Variants in FAM13A observed in about 807,000 individuals in gnomAD.
FAM13A encodes protein FAM13A.
A neutral mutation model predicts 129.6 loss-of-function variants in FAM13A; 76 were observed. The ratio of observed to expected loss-of-function variants is 0.59; its 90% confidence interval spans 0.49 to 0.71. The LOEUF is 0.71. FAM13A is among the 30% of genes least tolerant of loss of function. The pLI is 0.00. For missense variants in FAM13A, 1,108 were observed against 1,249.3 expected (o/e 0.89, Z 1.70); for synonymous variants, 443 against 449.9 (o/e 0.98, Z 0.20).
At chr4:88,777,510 T>C (rs1722003092) in intron 11 of FAM13A, among the ~76,000 whole-genome samples, 1 of 152,182 alleles carries the variant, frequency 6.6e-6, no homozygotes, top group Non-Finnish European at 1.5e-5. Flanking sequence ...GATAAGGCAG[T>C]GCAGTCTGAT....
In FAM13A at chr4:88,963,311, T is replaced by A. The variant is rs546074609; in HGVS notation, c.606-25070A>T. Among the ~76,000 whole-genome samples, 4 of 151,984 alleles carry A rather than the reference T, an allele frequency of 2.6e-5. No individual in the cohort carries two copies. In the East Asian group the frequency reaches 7.7e-4, roughly 29 times the overall value. Reference sequence around the variant, plus strand: ...TTTCATTTAAAATCTTTTTTTTTTTTTTTTGAGACTGAGTTTCGCTCTGTC... The same window carrying A: ...TTTCATTTAAAATCTTTTTTTTTTTATTTTGAGACTGAGTTTCGCTCTGTC... On this transcript the variant is annotated intron_variant, in intron 4 of 23. Coordinates refer to ENST00000264344, the MANE Select transcript of FAM13A (RefSeq NM_014883.4).
intron 7 of FAM13A, among the ~76,000 whole-genome samples, chr4:88,808,051 G>A (rs1255668653): frequency 3.3e-5 from 5 of 152,042 alleles, no homozygotes; most frequent in African/African-American, 1.2e-4. Flanking sequence ...CAGTCCCTGA[G>A]AAAAACAATA....
chr4:88,871,019 C>T (rs1031411731), intron 6 of FAM13A, among the ~76,000 whole-genome samples: 3 of 152,208 alleles, frequency 2.0e-5, no homozygotes, highest in African/African-American at 7.2e-5. Context: ...TGGAGTGGAC[C>T]TCCAGCAAAC....
intron 3 of FAM13A, among the ~76,000 whole-genome samples, chr4:88,996,523 G>A (rs530740286): frequency 6.6e-6 from 1 of 152,324 alleles, no homozygotes; most frequent in East Asian, 1.9e-4. Flanking sequence ...TGACTACTCT[G>A]TTCCAGGCAC....
At chr4:88,740,208 C>T (rs896660281) in intron 19 of FAM13A, among the ~76,000 whole-genome samples, 2 of 152,176 alleles carry the variant, frequency 1.3e-5, no homozygotes, top group Non-Finnish European at 2.9e-5. Flanking sequence ...AGCCTTCTTC[C>T]AACATCCCCC....
rs368468257 is a variant in FAM13A, at chr4:88,920,340, CTCT to C, written c.760-13881_760-13879del. 5.1e-4 allele frequency among the ~76,000 whole-genome samples: 77 copies of C among 151,994 alleles called. 2 individuals carry two copies. In the East Asian group the frequency reaches 0.011, roughly 23 times the overall value. ...TGACACCTCACACGGCCGGGTACTC[CTCT>C]GAGACAAAACTTTCAGAGGAACGAT... is the stretch of plus-strand genomic sequence containing the variant. On this transcript the variant is annotated intron_variant, in intron 5 of 23. Transcript: ENST00000264344.
chr4:88,944,795 C>T (rs1221000467), intron 4 of FAM13A, among the ~76,000 whole-genome samples: 1 of 151,788 alleles, frequency 6.6e-6, no homozygotes, highest in Non-Finnish European at 1.5e-5. Context: ...CCCAGCTACT[C>T]GAGAGGCTGA....
At position 89,057,007 on chromosome 4, in the gene FAM13A, A is replaced by G. The variant is rs1256511671; in HGVS notation, c.-43T>C. ...GGAAGAACTGAGGAAGACCAGACGA[A>G]AATATTAAAACGACAGCAAAATACT... On this transcript the variant is annotated 5_prime_UTR_variant, in exon 1 of 24. Coordinates refer to ENST00000264344, the MANE Select transcript of FAM13A (RefSeq NM_014883.4). The G allele has an allele frequency of 6.2e-7, 1 of 1,609,916 alleles. No individual in the cohort carries two copies. Among genetic ancestry groups the G allele is most frequent in the East Asian group, 2.2e-5 (1 of 44,860 alleles).
At chr4:88,777,809 T>A (rs1722068876) in intron 11 of FAM13A, among the ~76,000 whole-genome samples, 1 of 152,192 alleles carries the variant, frequency 6.6e-6, no homozygotes, top group African/African-American at 2.4e-5. Context: ...CTCCCATCTT[T>A]CTACCAACCC....
intron 4 of FAM13A, among the ~76,000 whole-genome samples, chr4:88,945,670 T>C (rs559917367): frequency 6.6e-6 from 1 of 150,712 alleles, no homozygotes; most frequent in Admixed American, 6.6e-5. Context: ...GTTCAAATTG[T>C]ACTAGTGGTC....
chr4:89,056,185 A>G (rs1314328934), intron 1 of FAM13A, among the ~76,000 whole-genome samples: 1 of 152,188 alleles, frequency 6.6e-6, no homozygotes, highest in African/African-American at 2.4e-5. Context: ...AGATATATGC[A>G]TTTTCTATAT....
At chr4:88,983,259 G>A (rs1284522745) in intron 4 of FAM13A, among the ~76,000 whole-genome samples, 1 of 152,064 alleles carries the variant, frequency 6.6e-6, no homozygotes, top group Non-Finnish European at 1.5e-5. Flanking sequence ...TGAAAATGAG[G>A]AGACAAAGTA....
At chr4:88,962,478 G>T (rs749239524) in intron 4 of FAM13A, among the ~76,000 whole-genome samples, 3 of 152,014 alleles carry the variant, frequency 2.0e-5, no homozygotes, top group East Asian at 1.9e-4. Flanking sequence ...GGGAAAAACA[G>T]AGAGTTTCAC....
intron 20 of FAM13A, chr4:88,737,783 G>T: frequency 1.8e-6 from 1 of 548,760 alleles, no homozygotes; most frequent in Admixed American, 3.4e-5. Context: ...AGTACAGCAA[G>T]AACAGCACAG....
Position 88,728,520 on chromosome 4 carries a change from T to C in FAM13A, c.*13A>G, listed in dbSNP as rs1736841951. On this transcript the variant is annotated 3_prime_UTR_variant, in exon 24 of 24. Coordinates refer to ENST00000264344, the MANE Select transcript of FAM13A (RefSeq NM_014883.4). ...CACCGCAGCTGCCAGCCCCCTGTGCTTGGCCATGCCCCTCACATGGACTTG... is the reference window on the plus strand; with the variant it reads ...CACCGCAGCTGCCAGCCCCCTGTGCCTGGCCATGCCCCTCACATGGACTTG... 2.5e-6 allele frequency: 4 copies of C among 1,613,910 alleles called. No individual in the cohort carries two copies. Among genetic ancestry groups the C allele is most frequent in the African/African-American group, 1.3e-5 (1 of 74,946 alleles).
At chr4:88,747,352 C>G (rs939114025) in intron 18 of FAM13A, among the ~76,000 whole-genome samples, 1 of 152,178 alleles carries the variant, frequency 6.6e-6, no homozygotes, top group African/African-American at 2.4e-5. Flanking sequence ...AGGTTTGTCT[C>G]TAATCCTTCT....
intron 8 of FAM13A, among the ~76,000 whole-genome samples, chr4:88,800,398 A>G (rs1727183662): frequency 6.6e-6 from 1 of 152,020 alleles, no homozygotes; most frequent in Non-Finnish European, 1.5e-5. Context: ...TAGAAACACT[A>G]TTCTGGCCAG....
chr4:88,865,746 A>C (rs1740282209), intron 6 of FAM13A, among the ~76,000 whole-genome samples: 1 of 152,222 alleles, frequency 6.6e-6, no homozygotes, highest in South Asian at 2.1e-4. Context: ...ATATAAACAA[A>C]TGGGCACGGC....
rs28364688 is a variant in FAM13A at position 88,823,268 on chromosome 4, C to T, written c.1008-18216G>A. The T allele has an allele frequency of 3.1e-4, 393 of 1,257,428 alleles. 3 individuals carry two copies. In the East Asian group the frequency reaches 0.011, roughly 35 times the overall value. The allele number at this position is 1,257,428 out of a possible 1,614,324, so 77.9% of individuals were successfully genotyped here. ...ACTTTGACCTTTTGTTCCAGGGAAG[C>T]AGCTGAACCACCGGGCCAATCAGAG... is the stretch of plus-strand genomic sequence containing the variant. On this transcript the variant is annotated intron_variant, in intron 7 of 23. Coordinates refer to ENST00000264344, the MANE Select transcript of FAM13A (RefSeq NM_014883.4).
Sources: allele counts gnomAD v4.1 joint callset (sites outside exome capture counted in the v4.1 genomes callset), GRCh38; gene constraint gnomAD v4.1.1; transcripts MANE v1.5; gene names NCBI Gene and HGNC (gene_info 2026-07-23, HGNC 2026-07-21).